Variants in PRR33 observed in about 807,000 individuals in gnomAD.
PRR33 encodes proline-rich protein 33.
Under a neutral mutation model 0.5 loss-of-function variants are expected in PRR33, and 1 was observed. That is an observed-to-expected ratio of 2.18 (90% CI 0.77 to 10.34). PRR33 has a LOEUF of 10.34. Among genes scored for constraint, PRR33 ranks in the 30% most tolerant of loss-of-function variants. The probability of loss-of-function intolerance (pLI) is 0.13; values close to 1 mark genes in which losing one functional copy is unlikely to be tolerated. For synonymous variants in PRR33, 226 were observed against 110.0 expected, an observed-to-expected ratio of 2.06 and a Z score of -6.60; for missense variants, 552 against 251.8, an observed-to-expected ratio of 2.19 and a Z score of -8.07.
chr11:1,893,235 T>G (rs1849067907), upstream of PRR33, among the ~76,000 whole-genome samples: 1 of 141,334 alleles, frequency 7.1e-6, no homozygotes, highest in African/African-American at 2.6e-5. Flanking sequence ...GGTGAATGGA[T>G]GGGTAGGTGG....
At chr11:1,913,437 C>T in the PRR33 span, among the ~76,000 whole-genome samples, 2 of 152,130 alleles carry the variant, frequency 1.3e-5, no homozygotes, top group Admixed American at 6.6e-5. Flanking sequence ...TGAGCCACCG[C>T]GCCCGGCCCC....
At chr11:1,898,483 C>T in the PRR33 span, among the ~76,000 whole-genome samples, 4 of 152,100 alleles carry the variant, frequency 2.6e-5, no homozygotes, top group East Asian at 7.8e-4. Context: ...GATCCACCCA[C>T]CTCGGCCTCC....
the PRR33 span, among the ~76,000 whole-genome samples, chr11:1,901,226 C>T: frequency 2.6e-5 from 4 of 151,874 alleles, no homozygotes; most frequent in African/African-American, 7.3e-5. Context: ...GCAGGAGAAT[C>T]GCTTGAACCC....
At chr11:1,899,276 G>C in the PRR33 span, among the ~76,000 whole-genome samples, 1 of 152,160 alleles carries the variant, frequency 6.6e-6, no homozygotes, top group Non-Finnish European at 1.5e-5. Context: ...GCAGTTGCTG[G>C]AGTCTGGCGA....
chr11:1,892,884 G>C (rs987773748), upstream of PRR33, among the ~76,000 whole-genome samples: 8 of 152,148 alleles, frequency 5.3e-5, no homozygotes, highest in African/African-American at 1.7e-4. Flanking sequence ...GGGTAGGTGG[G>C]TGAGTGGATG....
the PRR33 span, chr11:1,907,799 G>A: frequency 6.6e-6 from 1 of 152,080 alleles, no homozygotes; most frequent in African/African-American, 2.4e-5. Flanking sequence ...TTGATGTGGA[G>A]AGCAAATCTC....
chr11:1,917,394 C>T, the PRR33 span, among the ~76,000 whole-genome samples: 6 of 152,346 alleles, frequency 3.9e-5, no homozygotes, highest in South Asian at 1.0e-3. Flanking sequence ...CTGCTCCCCA[C>T]TCCCTGGGCT....
the PRR33 span, among the ~76,000 whole-genome samples, chr11:1,906,781 CGG>C: frequency 6.6e-6 from 1 of 152,190 alleles, no homozygotes; most frequent in African/African-American, 2.4e-5. Context: ...CTAGTCCTTT[CGG>C]ATTGTGCTTT....
upstream of PRR33, among the ~76,000 whole-genome samples, chr11:1,895,363 C>G (rs1589840394): frequency 6.6e-6 from 1 of 152,108 alleles, no homozygotes; most frequent in South Asian, 2.1e-4. Context: ...GAATTCCTGA[C>G]CTCAAGTGAT....
chr11:1,889,996 G>A lies in PRR33; in HGVS notation c.589C>T (p.Pro197Ser), dbSNP rs960035613. The stretch of plus-strand genomic sequence containing the variant: ...GATCCCACTTCTGGGGCTGTCCTGG[G>A]AGGCTCAGGGGTCCCATTGTGTGGG... The change falls in exon 1 of 1, where the codon CCC becomes TCC. Residue 197 changes from proline to serine, a missense_variant. By Grantham distance (74) the Pro-to-Ser change is moderately conservative. Transcript: ENST00000640310. 3 of 656,478 alleles carry A rather than the reference G, an allele frequency of 4.6e-6. No individual in the cohort carries two copies. The African/African-American group carries it at 5.4e-5, about 12-fold the overall frequency. 40.7% of individuals were successfully genotyped at this position (656,478 alleles called of 1,614,324 possible). A position where few individuals can be genotyped will look rare whatever the true frequency, so the allele number is the denominator to read the frequency against.
At chr11:1,907,071 C>T in the PRR33 span, among the ~76,000 whole-genome samples, 494 of 152,356 alleles carry the variant, frequency 3.2e-3, 2 homozygotes, top group African/African-American at 0.011. Context: ...CTGTTGTGCA[C>T]GGCCCACGTG....
chr11:1,917,120 G>A, the PRR33 span, among the ~76,000 whole-genome samples: 2 of 152,234 alleles, frequency 1.3e-5, no homozygotes, highest in African/African-American at 4.8e-5. Flanking sequence ...CAGTTCCCAA[G>A]TGCTGTGTCA....
upstream of PRR33, among the ~76,000 whole-genome samples, chr11:1,893,988 G>C: frequency 9.7e-6 from 1 of 102,818 alleles, no homozygotes; most frequent in Non-Finnish European, 2.0e-5. Context: ...CAGAGAGCGG[G>C]AAGGATGGAT....
upstream of PRR33, among the ~76,000 whole-genome samples, chr11:1,892,829 C>G (rs1337167591): frequency 7.2e-6 from 1 of 139,714 alleles, no homozygotes; most frequent in Non-Finnish European, 1.5e-5. Context: ...GATAGATGAT[C>G]AGATGAATGG....
the PRR33 span, among the ~76,000 whole-genome samples, chr11:1,912,249 T>C: frequency 1.3e-5 from 2 of 151,836 alleles, no homozygotes; most frequent in Non-Finnish European, 2.9e-5. Flanking sequence ...ATTCTTGCTG[T>C]TTTTTGCTTG....
At chr11:1,909,720 C>T in the PRR33 span, among the ~76,000 whole-genome samples, 2 of 151,848 alleles carry the variant, frequency 1.3e-5, no homozygotes, top group East Asian at 2.0e-4. Flanking sequence ...GTTGAGGCTG[C>T]AGTCAGCCGT....
chr11:1,915,803 G>T, the PRR33 span, among the ~76,000 whole-genome samples: 13 of 146,644 alleles, frequency 8.9e-5, no homozygotes, highest in African/African-American at 3.0e-4. Context: ...GAGGGAGGGA[G>T]GGATGGATGG....
rs1848865121 is a variant in PRR33 at position 1,888,888 on chromosome 11, G to A, written c.*257C>T. 1.4e-5 allele frequency: 6 copies of A among 413,972 alleles called. No individual in the cohort carries two copies. The Middle Eastern group carries it at 1.8e-3, about 127-fold the overall frequency. The allele number at this position is 413,972 out of a possible 1,614,324, so 25.6% of individuals were successfully genotyped here. A position where few individuals can be genotyped will look rare whatever the true frequency, so the allele number is the denominator to read the frequency against. On this transcript the variant is annotated 3_prime_UTR_variant, in exon 1 of 1. Coordinates refer to ENST00000640310, the Ensembl canonical transcript of PRR33. ...GGCCCCCATCCTACATCCCGACGCA[G>A]ACCCCTTCTCTGTTCCCCTCACACC...
chr11:1,894,291 TG>T (rs1849100948), upstream of PRR33, among the ~76,000 whole-genome samples: 1 of 151,088 alleles, frequency 6.6e-6, no homozygotes, highest in African/African-American at 2.4e-5. Flanking sequence ...GGGAGTGCAG[TG>T]GCACAATGAG....
Sources: allele counts gnomAD v4.1 joint callset (sites outside exome capture counted in the v4.1 genomes callset), GRCh38; gene constraint gnomAD v4.1.1; transcripts MANE v1.5; gene names NCBI Gene and HGNC (gene_info 2026-07-23, HGNC 2026-07-21).